The following ARHGAP15 variants were observed in gnomAD, a reference collection of about 807,000 sequenced individuals.
The protein encoded by ARHGAP15 is rho GTPase-activating protein 15.
Under a neutral mutation model 63.7 loss-of-function variants are expected in ARHGAP15, and 51 were observed. The observed-to-expected ratio is 0.80, with a 90% CI of 0.64 to 1.01. The LOEUF is 1.01. ARHGAP15 is among the 50% of genes least tolerant of loss of function. ARHGAP15 has a pLI of 0.00. For missense variants in ARHGAP15, 560 were observed against 564.6 expected, an observed-to-expected ratio of 0.99 and a Z score of 0.08; for synonymous variants, 191 against 193.8, an observed-to-expected ratio of 0.99 and a Z score of 0.12.
chr2:143,684,123 A>G (rs1416945721), intron 12 of ARHGAP15, among the ~76,000 whole-genome samples: 1 of 152,220 alleles, frequency 6.6e-6, no homozygotes, highest in Non-Finnish European at 1.5e-5. Flanking sequence ...CAGAAGCACT[A>G]TTGAAAAATG....
At chr2:143,148,457 A>G (rs1165748341) in intron 1 of ARHGAP15, among the ~76,000 whole-genome samples, 7 of 152,046 alleles carry the variant, frequency 4.6e-5, no homozygotes, top group Admixed American at 1.3e-4. Flanking sequence ...AAAGGTTAAG[A>G]GCTAAGAAAG....
At chr2:143,275,933 G>C (rs559871165) in intron 6 of ARHGAP15, among the ~76,000 whole-genome samples, 3 of 152,298 alleles carry the variant, frequency 2.0e-5, no homozygotes, top group Admixed American at 1.3e-4. Flanking sequence ...GGTAGGGCTT[G>C]TAAGTCTTAA....
At chr2:143,400,313 T>C (rs542351430) in intron 6 of ARHGAP15, among the ~76,000 whole-genome samples, 6 of 152,142 alleles carry the variant, frequency 3.9e-5, no homozygotes, top group Admixed American at 2.6e-4. Flanking sequence ...AACTTTTAGG[T>C]GGTGGCTCTA....
chr2:143,185,643 A>G (rs1691416571), intron 2 of ARHGAP15, among the ~76,000 whole-genome samples: 1 of 152,162 alleles, frequency 6.6e-6, no homozygotes, highest in African/African-American at 2.4e-5. Flanking sequence ...CATGGTTAGA[A>G]TGCACTTCAC....
At chr2:143,405,520 T>C (rs944026817) in intron 6 of ARHGAP15, among the ~76,000 whole-genome samples, 2 of 151,912 alleles carry the variant, frequency 1.3e-5, no homozygotes, top group Non-Finnish European at 2.9e-5. Context: ...ATTTATTAGT[T>C]ATATTTTTTG....
At chr2:143,211,077 TA>T (rs1692540804) in intron 3 of ARHGAP15, among the ~76,000 whole-genome samples, 1 of 152,150 alleles carries the variant, frequency 6.6e-6, no homozygotes, top group Non-Finnish European at 1.5e-5. Context: ...GCTGGAGTTT[TA>T]AGGTATTTTT....
chr2:143,432,736 A>T (rs1689442222), intron 6 of ARHGAP15, among the ~76,000 whole-genome samples: 1 of 152,088 alleles, frequency 6.6e-6, no homozygotes, highest in South Asian at 2.1e-4. Flanking sequence ...CCAGATGGAT[A>T]CTTAAAGATA....
intron 12 of ARHGAP15, among the ~76,000 whole-genome samples, chr2:143,646,980 C>T (rs1240995797): frequency 2.0e-5 from 3 of 151,938 alleles, no homozygotes; most frequent in Non-Finnish European, 4.4e-5. Context: ...TACTCTTTTG[C>T]TTTTTTCCAA....
intron 11 of ARHGAP15, among the ~76,000 whole-genome samples, chr2:143,559,363 T>C (rs1175657380): frequency 6.6e-6 from 1 of 152,132 alleles, no homozygotes; most frequent in East Asian, 1.9e-4. Flanking sequence ...CATGTTTCCA[T>C]GAGAATTGAC....
chr2:143,344,581 A>G (rs1039555592), intron 6 of ARHGAP15, among the ~76,000 whole-genome samples: 2 of 152,172 alleles, frequency 1.3e-5, no homozygotes, highest in African/African-American at 4.8e-5. Context: ...ATGAAATGAT[A>G]TTTTGTGAAA....
intron 9 of ARHGAP15, among the ~76,000 whole-genome samples, chr2:143,487,860 AC>A (rs1692397844): frequency 6.6e-6 from 1 of 152,106 alleles, no homozygotes; most frequent in African/African-American, 2.4e-5. Flanking sequence ...ACACTTACCA[AC>A]CCAGCCCTTT....
At chr2:143,178,570 T>A (rs1490518096) in intron 2 of ARHGAP15, among the ~76,000 whole-genome samples, 1 of 152,212 alleles carries the variant, frequency 6.6e-6, no homozygotes, top group Non-Finnish European at 1.5e-5. Context: ...GGGGTTGTTA[T>A]AAACCTACAA....
In ARHGAP15 at chr2:143,764,448, C is replaced by T. The variant is rs188109384; in HGVS notation, c.1245-3541C>T. On this transcript the variant is annotated intron_variant, in intron 13 of 13. Coordinates refer to ENST00000295095, the MANE Select transcript of ARHGAP15 (RefSeq NM_018460.4). ...TTCAAACTTCCTTGGTTCACTCCCC[C>T]ACATTTGGCCCTGCTCTGGTTTCCA... Among the ~76,000 whole-genome samples the T allele has an allele frequency of 6.2e-4, 94 of 152,304 alleles. 1 individual carries two copies. The highest frequency in any genetic ancestry group is 1.0e-3 in the Non-Finnish European group (70 of 68,018).
chr2:143,287,681 C>G (rs562497866), intron 6 of ARHGAP15, among the ~76,000 whole-genome samples: 6 of 152,098 alleles, frequency 3.9e-5, no homozygotes, highest in African/African-American at 1.2e-4. Context: ...TGGTGCACAC[C>G]TGTAATAGCT....
intron 6 of ARHGAP15, among the ~76,000 whole-genome samples, chr2:143,263,902 G>A (rs1456105479): frequency 8.6e-6 from 1 of 116,578 alleles, no homozygotes; most frequent in East Asian, 2.8e-4. Context: ...CGGTGAAGCT[G>A]CAGTCTTTTT....
intron 6 of ARHGAP15, among the ~76,000 whole-genome samples, chr2:143,343,136 G>A (rs895186537): frequency 3.9e-5 from 6 of 152,032 alleles, no homozygotes; most frequent in African/African-American, 1.4e-4. Flanking sequence ...TTTTTATGAT[G>A]ATGTGATAGC....
intron 1 of ARHGAP15, among the ~76,000 whole-genome samples, chr2:143,135,549 C>T (rs1689100978): frequency 6.6e-6 from 1 of 152,080 alleles, no homozygotes; most frequent in Non-Finnish European, 1.5e-5. Context: ...AAGTCCAGTG[C>T]CATAGAAATA....
chr2:143,132,005 A>T (rs1442986638), intron 1 of ARHGAP15, among the ~76,000 whole-genome samples: 1 of 152,198 alleles, frequency 6.6e-6, no homozygotes, highest in Admixed American at 6.5e-5. Context: ...GGTAAAAAAA[A>T]AAAAATATTG....
rs144924945 is a variant in ARHGAP15 at position 143,306,702 on chromosome 2, A to T, written c.474+56102A>T. Among the ~76,000 whole-genome samples, 20 of 152,240 alleles carry T rather than the reference A, an allele frequency of 1.3e-4. 1 individual carries two copies. In the East Asian group the frequency reaches 3.9e-3, roughly 30 times the overall value. On this transcript the variant is annotated intron_variant, in intron 6 of 13. Transcript: ENST00000295095. ...CTGAATCCAGACCTCCATTTAATTC[A>T]CCCACCTCTTCAGTAGCGGAAGGAT...
Sources: allele counts gnomAD v4.1 joint callset (sites outside exome capture counted in the v4.1 genomes callset), GRCh38; gene constraint gnomAD v4.1.1; transcripts MANE v1.5; gene names NCBI Gene and HGNC (gene_info 2026-07-23, HGNC 2026-07-21).